The following ZBP1 variants were observed in gnomAD, a reference collection of about 807,000 sequenced individuals.
The protein encoded by ZBP1 is Z-DNA binding protein 1, also known as Z-DNA-binding protein 1.
ZBP1 carries 42 observed loss-of-function variants against 41.1 expected under a neutral mutation model. That is an observed-to-expected ratio of 1.02 (90% confidence interval 0.80 to 1.32). The LOEUF (loss-of-function observed/expected upper bound fraction) is 1.32, where lower values mean the gene tolerates loss of function less well. Ranked by LOEUF, ZBP1 falls within the 40% of genes most tolerant of loss-of-function variation. The pLI, the probability that ZBP1 is intolerant of heterozygous loss-of-function variation, is 0.00. For synonymous variants in ZBP1, 214 were observed against 205.2 expected (o/e 1.04, Z -0.37); for missense variants, 562 against 549.7 (o/e 1.02, Z -0.22).
rs1339152210 is a variant in ZBP1 at position 57,613,121 on chromosome 20, C to A, written c.670+42G>T. ...CCCCCACCCAGAGGATCCGGTGGCTCCCCACCGAGGTCCCCTCCCTGGGCT... is the reference window on the plus strand; with the variant it reads ...CCCCCACCCAGAGGATCCGGTGGCTACCCACCGAGGTCCCCTCCCTGGGCT... On this transcript the variant is annotated intron_variant, in intron 5 of 7. Transcript: ENST00000371173. This position sits in a 1 kb window ranked among gnomAD's most constrained non-coding sequence, Gnocchi z 4.5. The A allele has an allele frequency of 1.2e-6, 2 of 1,612,734 alleles. No homozygotes were observed. Among genetic ancestry groups the A allele is most frequent in the Non-Finnish European group, 1.7e-6 (2 of 1,179,310 alleles).
At chr20:57,606,605 G>C (rs2070504041) in intron 7 of ZBP1, among the ~76,000 whole-genome samples, 1 of 152,332 alleles carries the variant, frequency 6.6e-6, no homozygotes, top group East Asian at 1.9e-4. Context: ...AGCTTCAAAG[G>C]GGACAGGCTC....
Position 57,616,445 on chromosome 20 carries a change from G to A in ZBP1, c.58C>T (p.Gln20Ter), listed in dbSNP as rs912151137. Residue 20 changes from glutamine to a stop codon, truncating the protein, a stop_gained, in exon 2 of 8, where the codon CAG (glutamine) becomes TAG (stop). Transcript: ENST00000371173. LOFTEE classifies it high-confidence loss of function. ...REGHLEQRIL[Q>*]VLTEAGSPVK... is the part of the protein sequence containing the mutation. ...GGGGAGCCAGCCTCTGTCAGCACCT[G>A]CAGGATTCTTTGTTCAAGGTGGCCT... 1 of 1,613,794 alleles carries A rather than the reference G, an allele frequency of 6.2e-7. No individual in the cohort carries two copies. Among genetic ancestry groups the A allele is most frequent in the Non-Finnish European group, 8.5e-7 (1 of 1,179,978 alleles).
intron 2 of ZBP1, 70 bp downstream of exon 2, chr20:57,616,174 A>C: frequency 6.9e-7 from 1 of 1,445,700 alleles, no homozygotes; most frequent in Non-Finnish European, 9.6e-7. Flanking sequence ...ACCCAGGCTC[A>C]AATCTGTGCT....
chr20:57,619,091 C>T lies in ZBP1; in HGVS notation c.34+1171G>A, dbSNP rs76459535. 3.2e-4 allele frequency among the ~76,000 whole-genome samples: 49 copies of T among 152,312 alleles called. 1 individual carries two copies. The East Asian group carries it at 8.5e-3, about 26-fold the overall frequency. On this transcript the variant is annotated intron_variant, in intron 1 of 7. Coordinates refer to ENST00000371173, the MANE Select transcript of ZBP1 (RefSeq NM_030776.3). The stretch of plus-strand genomic sequence containing the variant: ...AATTTGGTCACAAAAGGAAAATCAA[C>T]TGGGGAGGAAGACAAGAAAAGCCAG...
chr20:57,610,707 T>C lies in ZBP1; in HGVS notation c.875-340A>G. ...ACTGCACTGGAACACTGGCCCCCAC[T>C]TTTGGTTGAAATCTTATGGGGGCTC... On this transcript the variant is annotated intron_variant, in intron 6 of 7. Coordinates refer to ENST00000371173, the MANE Select transcript of ZBP1 (RefSeq NM_030776.3). This position sits in a 1 kb window ranked among gnomAD's most constrained non-coding sequence, Gnocchi z 5.5. The C allele has an allele frequency of 2.7e-6, 1 of 371,868 alleles. No individual in the cohort carries two copies. The highest frequency in any genetic ancestry group is 3.0e-5 in the South Asian group (1 of 33,148). The allele number at this position is 371,868 out of a possible 1,614,324, so 23.0% of individuals were successfully genotyped here.
intron 5 of ZBP1, chr20:57,612,941 T>G: frequency 7.5e-7 from 1 of 1,327,690 alleles, no homozygotes; most frequent in Non-Finnish European, 9.6e-7. Context: ...AACTTTAAAA[T>G]GAGGTAGAAA....
In ZBP1 at chr20:57,611,853, C is replaced by G; in HGVS notation, c.748G>C (p.Gly250Arg). 1 of 1,595,412 alleles carries G rather than the reference C, an allele frequency of 6.3e-7. No individual in the cohort carries two copies. The highest frequency in any genetic ancestry group is 1.1e-5 in the South Asian group (1 of 87,712). The change falls in exon 6 of 8, where the codon GGG becomes CGG. Residue 250 changes from glycine to arginine, a missense_variant. Gly to Arg is a moderately radical substitution (Grantham distance 125, BLOSUM62 -2). Coordinates refer to ENST00000371173, the MANE Select transcript of ZBP1 (RefSeq NM_030776.3). Reference sequence around the variant, plus strand: ...TGCTCCATGTGGATGTCCTGGGGCCCCCAGGGATCAACTAGGGTCCCCCAA... The same window carrying G: ...TGCTCCATGTGGATGTCCTGGGGCCGCCAGGGATCAACTAGGGTCCCCCAA... Reference protein sequence around the residue: ...STWGTLVDPWGPQDIHMEQSI... With the variant: ...STWGTLVDPWRPQDIHMEQSI...
rs959333279 is a variant in ZBP1, at chr20:57,611,940, G to A, written c.671-10C>T. 4 of 1,552,770 alleles carry A rather than the reference G, an allele frequency of 2.6e-6. No individual in the cohort carries two copies. The African/African-American group carries it at 5.5e-5, about 21-fold the overall frequency. On this transcript the variant is annotated splice_polypyrimidine_tract_variant and intron_variant, in intron 5 of 7. Coordinates refer to ENST00000371173, the MANE Select transcript of ZBP1 (RefSeq NM_030776.3). ...CGTGGACCGGCGGAACCTGGCAGGG[G>A]ACAGTGGCACAGCCTCACCGGAGAT... is the stretch of plus-strand genomic sequence containing the variant.
intron 2 of ZBP1, chr20:57,615,928 T>C (rs2070812187): frequency 1.8e-6 from 1 of 542,196 alleles, no homozygotes; most frequent in Admixed American, 3.5e-5. Flanking sequence ...ACTGCATATG[T>C]TCTGTGATTG....
chr20:57,613,153 G>T lies in ZBP1; in HGVS notation c.670+10C>A. 1 of 1,614,160 alleles carries T rather than the reference G, an allele frequency of 6.2e-7. No homozygotes were observed. Among genetic ancestry groups the T allele is most frequent in the Non-Finnish European group, 8.5e-7 (1 of 1,180,020 alleles). On this transcript the variant is annotated intron_variant, in intron 5 of 7. Transcript: ENST00000371173. This position sits in a 1 kb window ranked among gnomAD's most constrained non-coding sequence, Gnocchi z 4.5. ...GAGGTCCCCTCCCTGGGCTCTCTTG[G>T]GTGACTTACCGTCCTCCCTGGAGAC...
rs763250664 is a variant in ZBP1, at chr20:57,613,370, T to C, written c.503-40A>G. The C allele has an allele frequency of 1.9e-6, 3 of 1,593,256 alleles. No homozygotes were observed. The highest frequency in any genetic ancestry group is 1.7e-4 in the Middle Eastern group (1 of 6,028). On this transcript the variant is annotated intron_variant, in intron 4 of 7. Coordinates refer to ENST00000371173, the MANE Select transcript of ZBP1 (RefSeq NM_030776.3). The surrounding 1 kb of genome is among the most constrained non-coding windows in gnomAD (Gnocchi z 4.5). The stretch of plus-strand genomic sequence containing the variant: ...TCAACTGTATCCCTTTGCCACTGTC[T>C]ATGGGTCAGGGGTTCCCAATACCAG...
intron 1 of ZBP1, chr20:57,617,057 C>T (rs916286663): frequency 6.3e-6 from 1 of 158,452 alleles, no homozygotes; most frequent in Non-Finnish European, 1.4e-5. Flanking sequence ...TCTGGAATCC[C>T]CCCACTCCTC....
At chr20:57,612,839 A>C (rs2070709560) in intron 5 of ZBP1, 2 of 1,081,038 alleles carry the variant, frequency 1.9e-6, no homozygotes, top group South Asian at 5.7e-5. Flanking sequence ...AAAACACCGG[A>C]CCCCATTGAA....
intron 5 of ZBP1, among the ~76,000 whole-genome samples, chr20:57,612,378 C>T (rs143459119): frequency 6.6e-6 from 1 of 152,254 alleles, no homozygotes; most frequent in Non-Finnish European, 1.5e-5. Flanking sequence ...TAAAAAGGTG[C>T]ACTACTCAAC....
At chr20:57,615,474 C>G in intron 3 of ZBP1, 38 bp downstream of exon 3, 1 of 1,606,744 alleles carries the variant, frequency 6.2e-7, no homozygotes, top group East Asian at 2.2e-5. Flanking sequence ...GAGTGGGATC[C>G]TGTGTCCCGG....
In ZBP1 at chr20:57,613,572, A is replaced by G. The variant is rs1236216969; in HGVS notation, c.503-242T>C. 6.6e-6 allele frequency among the ~76,000 whole-genome samples: 1 copy of G among 152,114 alleles called. No individual in the cohort carries two copies. The highest frequency in any genetic ancestry group is 2.4e-5 in the African/African-American group (1 of 41,420). On this transcript the variant is annotated intron_variant, in intron 4 of 7. Coordinates refer to ENST00000371173, the MANE Select transcript of ZBP1 (RefSeq NM_030776.3). This position sits in a 1 kb window ranked among gnomAD's most constrained non-coding sequence, Gnocchi z 4.5. ...CCTACCTGTGTCTTTTGCTGCCTCCATGGCTGGGCCGCCATGATTGCTGGC... is the reference window on the plus strand; with the variant it reads ...CCTACCTGTGTCTTTTGCTGCCTCCGTGGCTGGGCCGCCATGATTGCTGGC...
chr20:57,618,205 G>C (rs2070894972), intron 1 of ZBP1: 1 of 152,018 alleles, frequency 6.6e-6, no homozygotes, highest in Non-Finnish European at 1.5e-5. Context: ...TGTGGGCGGG[G>C]GCCCCACCTG....
At chr20:57,612,234 C>CT (rs1327705596) in intron 5 of ZBP1, among the ~76,000 whole-genome samples, 10 of 152,166 alleles carry the variant, frequency 6.6e-5, no homozygotes, top group African/African-American at 2.4e-4. Flanking sequence ...GGGACCAAGT[C>CT]TCGTTTGGTG....
At chr20:57,606,818 A>G (rs2070509166) in intron 7 of ZBP1, among the ~76,000 whole-genome samples, 1 of 152,250 alleles carries the variant, frequency 6.6e-6, no homozygotes, top group African/African-American at 2.4e-5. Flanking sequence ...CTTACTGCTT[A>G]GAAAACAAAA....
Sources: allele counts gnomAD v4.1 joint callset (sites outside exome capture counted in the v4.1 genomes callset), GRCh38; gene constraint gnomAD v4.1.1; non-coding constraint Gnocchi (gnomAD v3.1); transcripts MANE v1.5; gene names NCBI Gene and HGNC (gene_info 2026-07-23, HGNC 2026-07-21).